The following SYNE3 variants were observed in gnomAD, a reference collection of about 807,000 sequenced individuals.
SYNE3 encodes nesprin-3.
SYNE3 carries 100 observed loss-of-function variants against 111.2 expected under a neutral mutation model. That is an observed-to-expected ratio of 0.90 (90% CI 0.77 to 1.06). SYNE3 has a LOEUF of 1.06. Among genes scored for constraint, SYNE3 ranks in the 50% least tolerant of loss-of-function variants. The pLI is 0.00. For synonymous variants in SYNE3, 547 were observed against 533.9 expected, an observed-to-expected ratio of 1.02 and a Z score of -0.34; for missense variants, 1,160 against 1,240.3, an observed-to-expected ratio of 0.94 and a Z score of 0.97.
Position 95,407,638 on chromosome 14 carries a change from C to T in SYNE3, c.*10188G>A, listed in dbSNP as rs1903313989. On this transcript the variant is annotated 3_prime_UTR_variant, in exon 18 of 18. Coordinates refer to ENST00000682763, the MANE Select transcript of SYNE3 (RefSeq NM_152592.6). ...TAATATGACAAGAGTAGATATGGTCCCTCTGCGTATTGTTTACATAATAGA... is the reference window on the plus strand; with the variant it reads ...TAATATGACAAGAGTAGATATGGTCTCTCTGCGTATTGTTTACATAATAGA... 6.6e-6 allele frequency: 1 copy of T among 152,126 alleles called. No homozygotes were observed. Among genetic ancestry groups the T allele is most frequent in the Non-Finnish European group, 1.5e-5 (1 of 68,038 alleles). 9.4% of individuals were successfully genotyped at this position (152,126 alleles called of 1,614,324 possible). A position where few individuals can be genotyped will look rare whatever the true frequency, so the allele number is the denominator to read the frequency against.
chr14:95,461,277 G>A (rs1017971566), intron 4 of SYNE3, among the ~76,000 whole-genome samples: 15 of 152,176 alleles, frequency 9.9e-5, no homozygotes, highest in African/African-American at 2.9e-4. Context: ...AGACAGACGC[G>A]CCTTCTGTGA....
Position 95,407,776 on chromosome 14 carries a change from GAC to G in SYNE3, c.*10048_*10049del, listed in dbSNP as rs773545530. The G allele has an allele frequency of 0.034, 4,967 of 147,916 alleles. 105 individuals carry two copies. The highest frequency in any genetic ancestry group is 0.045 in the Non-Finnish European group (2,974 of 66,704). The allele number at this position is 147,916 out of a possible 1,614,324, so 9.2% of individuals were successfully genotyped here. ...ACGCATACACAAACACACACACACA[GAC>G]ACACACACACACACACACACACCCC... On this transcript the variant is annotated 3_prime_UTR_variant, in exon 18 of 18. Coordinates refer to ENST00000682763, the MANE Select transcript of SYNE3 (RefSeq NM_152592.6).
chr14:95,434,558 C>T (rs1381065859), intron 15 of SYNE3, among the ~76,000 whole-genome samples: 1 of 152,182 alleles, frequency 6.6e-6, no homozygotes, highest in Non-Finnish European at 1.5e-5. Flanking sequence ...ACCAGGGAAA[C>T]TCAAGCCTTG....
At chr14:95,476,082 C>T (rs573494012) in intron 1 of SYNE3, among the ~76,000 whole-genome samples, 83 of 152,386 alleles carry the variant, frequency 5.4e-4, no homozygotes, top group African/African-American at 1.9e-3. Context: ...TGTCTTTGGC[C>T]TCTCAGGTTC....
At chr14:95,475,944 T>G (rs1330494353) in intron 1 of SYNE3, 109 bp from the exon 2 acceptor site, 2 of 1,148,340 alleles carry the variant, frequency 1.7e-6, no homozygotes, top group Non-Finnish European at 2.3e-6. Flanking sequence ...AACCCTCCCC[T>G]GGTGCTCCCA....
intron 1 of SYNE3, among the ~76,000 whole-genome samples, chr14:95,502,910 C>T (rs1156362523): frequency 6.6e-6 from 1 of 152,152 alleles, no homozygotes; most frequent in African/African-American, 2.4e-5. Context: ...GAGTTTCCAC[C>T]AAAGACATTC....
At chr14:95,508,400 T>C (rs1368569994) in intron 1 of SYNE3, among the ~76,000 whole-genome samples, 1 of 152,228 alleles carries the variant, frequency 6.6e-6, no homozygotes, top group Non-Finnish European at 1.5e-5. Flanking sequence ...ATATGGACAG[T>C]ATTGAGCAGC....
intron 1 of SYNE3, among the ~76,000 whole-genome samples, chr14:95,483,180 C>T (rs1272469427): frequency 2.0e-5 from 3 of 152,226 alleles, no homozygotes; most frequent in African/African-American, 7.2e-5. Flanking sequence ...CAGCTGCCCA[C>T]TGACATTCTG....
rs770425553 is a variant in SYNE3, at chr14:95,500,471, G to A, written c.-15+16125C>T. On this transcript the variant is annotated intron_variant, in intron 1 of 17. Transcript: ENST00000682763. The surrounding 1 kb of genome is among the most constrained non-coding windows in gnomAD (Gnocchi z 4.7). ...TGAGTCCCCAGACCTCAGCACCAGC[G>A]GCCGCCCACAGCCAGGCAGCAGGGA... Among the ~76,000 whole-genome samples, 8 of 152,172 alleles carry A rather than the reference G, an allele frequency of 5.3e-5. No individual in the cohort carries two copies. The highest frequency in any genetic ancestry group is 7.3e-5 in the Non-Finnish European group (5 of 68,028).
At chr14:95,467,435 C>T (rs1888257221) in intron 3 of SYNE3, among the ~76,000 whole-genome samples, 2 of 152,296 alleles carry the variant, frequency 1.3e-5, no homozygotes, top group Admixed American at 6.5e-5. Flanking sequence ...CCACCACCCC[C>T]TGTCCCGGCC....
chr14:95,490,122 T>G (rs1347552795), intron 1 of SYNE3, among the ~76,000 whole-genome samples: 1 of 152,242 alleles, frequency 6.6e-6, no homozygotes, highest in African/African-American at 2.4e-5. Flanking sequence ...AACGTCCGAT[T>G]CACCTTGGGG....
At chr14:95,488,760 C>CA (rs1049127505) in intron 1 of SYNE3, among the ~76,000 whole-genome samples, 9 of 113,492 alleles carry the variant, frequency 7.9e-5, no homozygotes, top group Admixed American at 7.4e-4. Flanking sequence ...GGAGGGACTG[C>CA]AAAACTGTTT....
intron 11 of SYNE3, among the ~76,000 whole-genome samples, chr14:95,440,975 C>T (rs984010209): frequency 6.6e-6 from 1 of 152,216 alleles, no homozygotes; most frequent in African/African-American, 2.4e-5. Flanking sequence ...TATTGTTCAG[C>T]TCTCTGTCAC....
chr14:95,462,133 A>G (rs45456402), intron 4 of SYNE3, among the ~76,000 whole-genome samples: 3,591 of 152,288 alleles, frequency 0.024, 58 homozygotes, highest in Non-Finnish European at 0.036. Context: ...GGTGGATGCT[A>G]TAGCTCCTCG....
At chr14:95,442,764 G>A (rs1009538711) in intron 11 of SYNE3, among the ~76,000 whole-genome samples, 3 of 152,230 alleles carry the variant, frequency 2.0e-5, no homozygotes, top group Non-Finnish European at 4.4e-5. Context: ...ACCCGAGGCC[G>A]CCTGTGTTCT....
chr14:95,502,439 C>A (rs1190641933), intron 1 of SYNE3, among the ~76,000 whole-genome samples: 3 of 152,104 alleles, frequency 2.0e-5, no homozygotes, highest in Non-Finnish European at 2.9e-5. Flanking sequence ...TTTGAGGCCC[C>A]ATCTTCCCCG....
At chr14:95,456,564 A>G (rs1231883846) in intron 5 of SYNE3, among the ~76,000 whole-genome samples, 1 of 152,166 alleles carries the variant, frequency 6.6e-6, no homozygotes, top group Non-Finnish European at 1.5e-5. Flanking sequence ...GATTTTCCTC[A>G]GGGCGAGGAG....
At chr14:95,462,943 G>A (rs1413459946) in intron 4 of SYNE3, among the ~76,000 whole-genome samples, 3 of 152,134 alleles carry the variant, frequency 2.0e-5, no homozygotes, top group Non-Finnish European at 2.9e-5. Flanking sequence ...ATCACCTGAG[G>A]TCGGGAGTTT....
rs552352255 is a variant in SYNE3 at position 95,467,847 on chromosome 14, C to T, written c.265G>A (p.Asp89Asn). ...QKPGILARLK[D>N]IKAQWEETVT... The stretch of plus-strand genomic sequence containing the variant: ...GTCTCCTCCCATTGGGCCTTGATGT[C>T]CTTCAGCCGGGCCAGGATCCCGGGC... The change falls in exon 3 of 18, where the codon GAC becomes AAC. Residue 89 changes from aspartate to asparagine, a missense_variant. Physicochemically the swap from Asp to Asn is conservative, Grantham distance 23 (BLOSUM62 1). Coordinates refer to ENST00000682763, the MANE Select transcript of SYNE3 (RefSeq NM_152592.6). 1.9e-6 allele frequency: 3 copies of T among 1,614,214 alleles called. No individual in the cohort carries two copies. The Admixed American group carries it at 5.0e-5, about 27-fold the overall frequency.
Sources: allele counts gnomAD v4.1 joint callset (sites outside exome capture counted in the v4.1 genomes callset), GRCh38; gene constraint gnomAD v4.1.1; non-coding constraint Gnocchi (gnomAD v3.1); transcripts MANE v1.5; gene names NCBI Gene and HGNC (gene_info 2026-07-23, HGNC 2026-07-21).